AHCY: variants seen among roughly 807,000 people sequenced by gnomAD.
AHCY encodes adenosylhomocysteinase, also known as S-adenosyl-L-homocysteine hydrolase.
In AHCY, 24 loss-of-function variants were observed where a neutral mutation model predicts 45.4. The observed-to-expected ratio is 0.53, with a 90% confidence interval of 0.38 to 0.74. The LOEUF is 0.74. AHCY is among the 30% of genes least tolerant of loss of function. AHCY has a pLI of 0.00. For missense variants in AHCY, 449 were observed against 594.1 expected (o/e 0.76, Z 2.54); for synonymous variants, 245 against 235.1 (o/e 1.04, Z -0.39).
At chr20:34,258,674 C>CATATATATATATATATATATATAT in the AHCY span, among the ~76,000 whole-genome samples, 1,405 of 11,980 alleles carry the variant, frequency 0.12, 360 homozygotes, top group East Asian at 0.29. Flanking sequence ...AGGGGGATGC[C>CATATATATATATATATATATATAT]ATATATATAT....
the AHCY span, among the ~76,000 whole-genome samples, chr20:34,271,244 C>T: frequency 6.6e-6 from 1 of 152,046 alleles, no homozygotes; most frequent in Admixed American, 6.6e-5. Flanking sequence ...GCCCCACCTC[C>T]TTCTCCTTTT....
At chr20:34,302,811 C>G in intron 1 of AHCY, 3 of 1,020,714 alleles carry the variant, frequency 2.9e-6, no homozygotes, top group Non-Finnish European at 3.5e-6. Context: ...CCGGGGTGCC[C>G]TCGCCGTCCC....
the AHCY span, among the ~76,000 whole-genome samples, chr20:34,264,789 ATTT>A: frequency 9.6e-6 from 1 of 104,218 alleles, no homozygotes; most frequent in African/African-American, 3.9e-5. Context: ...AGTTTACTTC[ATTT>A]TTTTTTTTTT....
intron 8 of AHCY, chr20:34,285,928 G>A (rs542888423): frequency 3.1e-5 from 12 of 383,108 alleles, no homozygotes; most frequent in East Asian, 5.8e-5. Context: ...GTGAAAGCCC[G>A]TCTCTACTAA....
chr20:34,260,622 C>A, the AHCY span: 2 of 1,372,220 alleles, frequency 1.5e-6, no homozygotes, highest in Admixed American at 4.3e-5. Flanking sequence ...GGATCCACCG[C>A]CATGGTCACG....
chr20:34,235,619 A>T, the AHCY span, among the ~76,000 whole-genome samples: 7 of 151,750 alleles, frequency 4.6e-5, no homozygotes, highest in African/African-American at 1.7e-4. Context: ...TTTGTTTGTG[A>T]TGTTGAAAGA....
the AHCY span, among the ~76,000 whole-genome samples, chr20:34,247,111 T>C: frequency 1.3e-5 from 2 of 151,880 alleles, no homozygotes; most frequent in East Asian, 3.9e-4. Context: ...ACCTGCCTCA[T>C]GCTTTCAAGT....
At chr20:34,291,020 G>C in intron 5 of AHCY, 82 bp from the exon 6 acceptor site, 1 of 1,408,672 alleles carries the variant, frequency 7.1e-7, no homozygotes, top group Admixed American at 1.8e-5. Flanking sequence ...GTATTCTGAA[G>C]AGCCCAGGCA....
the AHCY span, among the ~76,000 whole-genome samples, chr20:34,258,700 A>ATATATATATATATACACACACATAC: frequency 1.3e-4 from 10 of 77,922 alleles, no homozygotes; most frequent in African/African-American, 3.3e-4. Context: ...TACATACTAT[A>ATATATATATATATACACACACATAC]TATATATATT....
At chr20:34,256,461 C>T in the AHCY span, among the ~76,000 whole-genome samples, 28 of 152,302 alleles carry the variant, frequency 1.8e-4, no homozygotes, top group African/African-American at 6.0e-4. Context: ...CGATAACACC[C>T]GGCTAATTTT....
At chr20:34,288,433 G>C (rs2036259124) in intron 8 of AHCY, among the ~76,000 whole-genome samples, 1 of 152,144 alleles carries the variant, frequency 6.6e-6, no homozygotes, top group South Asian at 2.1e-4. Flanking sequence ...TATAATCCCA[G>C]CACTTTGGGA....
the AHCY span, among the ~76,000 whole-genome samples, chr20:34,240,166 A>G: frequency 2.6e-5 from 4 of 152,240 alleles, no homozygotes; most frequent in African/African-American, 9.6e-5. Context: ...AAGAGAAAAA[A>G]GAAGCATTTG....
chr20:34,298,768 G>T (rs1337581687), intron 1 of AHCY, among the ~76,000 whole-genome samples: 1 of 152,072 alleles, frequency 6.6e-6, no homozygotes, highest in African/African-American at 2.4e-5. Flanking sequence ...CTCCTAGTCT[G>T]CCTTCATGTT....
chr20:34,289,872 C>T (rs981774295), intron 8 of AHCY, among the ~76,000 whole-genome samples: 4 of 151,968 alleles, frequency 2.6e-5, no homozygotes, highest in Non-Finnish European at 5.9e-5. Flanking sequence ...CCGCCCATCT[C>T]GGCCTTCCAA....
chr20:34,232,510 T>A, the AHCY span, among the ~76,000 whole-genome samples: 1 of 152,162 alleles, frequency 6.6e-6, no homozygotes, highest in South Asian at 2.1e-4. Flanking sequence ...AGCAGCAAGA[T>A]GAGACAAACC....
Position 34,303,282 on chromosome 20 carries a change from T to G in AHCY, c.-12A>C. On this transcript the variant is annotated 5_prime_UTR_variant, in exon 1 of 10. Transcript: ENST00000217426. ...AGTTTGTCAGACATGCTGGCGGCACTCGTGATGGAAACGGGCGAAGGGGGC... is the reference window on the plus strand; with the variant it reads ...AGTTTGTCAGACATGCTGGCGGCACGCGTGATGGAAACGGGCGAAGGGGGC... 2 of 1,551,702 alleles carry G rather than the reference T, an allele frequency of 1.3e-6. No individual in the cohort carries two copies. Among genetic ancestry groups the G allele is most frequent in the East Asian group, 2.4e-5 (1 of 40,918 alleles).
chr20:34,311,578 C>G (rs1214745630), exon 1 of AHCY: 1 of 152,482 alleles, frequency 6.6e-6, no homozygotes, highest in South Asian at 2.1e-4. Context: ...GGCCGCGGGG[C>G]TTTAGCCTGC....
intron 9 of AHCY, among the ~76,000 whole-genome samples, chr20:34,283,615 AG>A (rs11475580): frequency 0.75 from 114,572 of 152,140 alleles, 46,091 homozygotes; most frequent in Non-Finnish European, 0.89. Context: ...CTCATTTCAA[AG>A]GCCTGACCAA....
chr20:34,270,847 G>A, the AHCY span, among the ~76,000 whole-genome samples: 2 of 152,162 alleles, frequency 1.3e-5, no homozygotes, highest in African/African-American at 4.8e-5. Context: ...CTTTAGAGAT[G>A]GGGTCTTGCT....
Sources: allele counts gnomAD v4.1 joint callset (sites outside exome capture counted in the v4.1 genomes callset), GRCh38; gene constraint gnomAD v4.1.1; transcripts MANE v1.5; gene names NCBI Gene and HGNC (gene_info 2026-07-23, HGNC 2026-07-21).